The following MACROH2A1 variants were observed in gnomAD, a reference collection of about 807,000 sequenced individuals.
MACROH2A1 encodes core histone macro-H2A.1.
In MACROH2A1, 2 loss-of-function variants were observed where a neutral mutation model predicts 31.6. The ratio of observed to expected loss-of-function variants is 0.06; its 90% CI spans 0.03 to 0.20. The LOEUF is 0.20. Among genes scored for constraint, MACROH2A1 ranks in the 10% least tolerant of loss-of-function variants. The pLI is 1.00. For missense variants in MACROH2A1, 230 were observed against 474.0 expected (o/e 0.49, Z 4.78); for synonymous variants, 169 against 189.6 (o/e 0.89, Z 0.89).
chr5:135,386,413 CAGA>C (rs1300650755), intron 2 of MACROH2A1, among the ~76,000 whole-genome samples: 13 of 152,228 alleles, frequency 8.5e-5, no homozygotes, highest in African/African-American at 2.4e-4. Flanking sequence ...GGAAATGCTT[CAGA>C]TTCAGCCAAC....
Position 135,369,255 on chromosome 5 carries a change from C to T in MACROH2A1, c.477+151G>A. The T allele has an allele frequency of 1.4e-6, 1 of 727,240 alleles. No homozygotes were observed. Among genetic ancestry groups the T allele is most frequent in the East Asian group, 2.4e-5 (1 of 40,832 alleles). 45.0% of individuals were successfully genotyped at this position (727,240 alleles called of 1,614,324 possible). Reference sequence around the variant, plus strand: ...TCTGGCTACTTGTGTTGGACTAGCCCCTCTGGAGAGTAATCAGCTCCTACA... The same window carrying T: ...TCTGGCTACTTGTGTTGGACTAGCCTCTCTGGAGAGTAATCAGCTCCTACA... On this transcript the variant is annotated intron_variant, in intron 4 of 8. Transcript: ENST00000511689. This position sits in a 1 kb window ranked among gnomAD's most constrained non-coding sequence, Gnocchi z 4.3.
At chr5:135,342,336 T>A (rs996938506) in intron 8 of MACROH2A1, among the ~76,000 whole-genome samples, 2 of 152,152 alleles carry the variant, frequency 1.3e-5, no homozygotes, top group Non-Finnish European at 2.9e-5. Flanking sequence ...CTTCTCAGAA[T>A]GGGGGTTAAT....
chr5:135,386,743 G>A (rs1301645838), intron 2 of MACROH2A1, among the ~76,000 whole-genome samples: 4 of 152,200 alleles, frequency 2.6e-5, no homozygotes, highest in Admixed American at 2.6e-4. Flanking sequence ...GGAAAACACA[G>A]ATTTCTATGC....
chr5:135,359,805 TTTTGATGTCAATAAAGAAATATTAGTTA>T, intron 5 of MACROH2A1: 1 of 951,092 alleles, frequency 1.1e-6, no homozygotes, highest in Non-Finnish European at 1.3e-6. Flanking sequence ...TCCCACCCCT[TTTTGATGTCAATAAAGAAATATTAGTTA>T]ACTCTCATTC....
intron 6 of MACROH2A1, among the ~76,000 whole-genome samples, 190 bp downstream of exon 6, chr5:135,352,756 A>C (rs1761732661): frequency 6.6e-6 from 1 of 152,238 alleles, no homozygotes; most frequent in Non-Finnish European, 1.5e-5. Context: ...ATCACACTTA[A>C]TGAAACAGAC....
At chr5:135,384,845 T>TG (rs1447546220) in intron 2 of MACROH2A1, among the ~76,000 whole-genome samples, 1 of 152,180 alleles carries the variant, frequency 6.6e-6, no homozygotes, top group Non-Finnish European at 1.5e-5. Context: ...AGCATGGAGA[T>TG]GTGAGTGACT....
chr5:135,394,382 T>C (rs1459669474), intron 1 of MACROH2A1, among the ~76,000 whole-genome samples: 2 of 152,142 alleles, frequency 1.3e-5, no homozygotes, highest in Non-Finnish European at 2.9e-5. Context: ...ACAGTCTAGT[T>C]TGGGGCAGCT....
Position 135,373,257 on chromosome 5 carries a change from CT to C in MACROH2A1, c.173-3116del, listed in dbSNP as rs926861278. On this transcript the variant is annotated intron_variant, in intron 2 of 8. Transcript: ENST00000511689. Reference sequence around the variant, plus strand: ...TATATTTTCTGCAGTGCTGCCTTCACTTTTTTTTTGTGCAGGAAAAATGAGA... The same window carrying C: ...TATATTTTCTGCAGTGCTGCCTTCACTTTTTTTTGTGCAGGAAAAATGAGA... 1.2e-4 allele frequency among the ~76,000 whole-genome samples: 18 copies of C among 151,522 alleles called. 1 individual carries two copies. In the East Asian group the frequency reaches 2.7e-3, roughly 23 times the overall value.
intron 4 of MACROH2A1, among the ~76,000 whole-genome samples, chr5:135,363,818 C>T (rs984533992): frequency 1.3e-5 from 2 of 152,234 alleles, no homozygotes; most frequent in Non-Finnish European, 2.9e-5. Flanking sequence ...TATTTCTCCA[C>T]ATCCTCTTCA....
rs542332236 is a variant in MACROH2A1 at position 135,355,995 on chromosome 5, C to T, written c.589-2950G>A. 10 of 152,198 alleles carry T rather than the reference C, an allele frequency of 6.6e-5. No homozygotes were observed. In the East Asian group the frequency reaches 1.9e-3, roughly 29 times the overall value. The allele number at this position is 152,198 out of a possible 1,614,324, so 9.4% of individuals were successfully genotyped here. A position where few individuals can be genotyped will look rare whatever the true frequency, so the allele number is the denominator to read the frequency against. On this transcript the variant is annotated intron_variant, in intron 5 of 8. Transcript: ENST00000511689. Reference sequence around the variant, plus strand: ...CAGATTTCTGGGAACTGTAAAAATTCCCAAAATTAGTCTGATTTTCTGGGA... The same window carrying T: ...CAGATTTCTGGGAACTGTAAAAATTTCCAAAATTAGTCTGATTTTCTGGGA...
At chr5:135,374,699 A>C (rs1019702176) in intron 2 of MACROH2A1, among the ~76,000 whole-genome samples, 2 of 152,174 alleles carry the variant, frequency 1.3e-5, no homozygotes, top group Admixed American at 1.3e-4. Context: ...TCTAAAAGAA[A>C]AGCGATTCTG....
intron 2 of MACROH2A1, among the ~76,000 whole-genome samples, chr5:135,377,784 G>C (rs1171198233): frequency 6.6e-6 from 1 of 152,184 alleles, no homozygotes; most frequent in Non-Finnish European, 1.5e-5. Flanking sequence ...GCCCCAGCTG[G>C]CCTTTGGTAC....
intron 1 of MACROH2A1, 34 bp from the exon 2 acceptor site, chr5:135,389,160 C>A: frequency 1.3e-6 from 2 of 1,515,456 alleles, no homozygotes; most frequent in South Asian, 2.4e-5. Flanking sequence ...GTCAGGGTGG[C>A]TGGGGACAGC....
chr5:135,337,995 C>T, intron 8 of MACROH2A1: 2 of 1,197,048 alleles, frequency 1.7e-6, no homozygotes, highest in African/African-American at 1.6e-5. Flanking sequence ...GCGCAGGCTG[C>T]CAGGAAGGAA....
intron 2 of MACROH2A1, among the ~76,000 whole-genome samples, chr5:135,374,853 C>G (rs1263652192): frequency 2.0e-5 from 3 of 152,134 alleles, no homozygotes; most frequent in Non-Finnish European, 2.9e-5. Context: ...AAATGGAATC[C>G]ATAAGAAACC....
chr5:135,385,872 A>T (rs975825562), intron 2 of MACROH2A1, among the ~76,000 whole-genome samples: 2 of 152,140 alleles, frequency 1.3e-5, no homozygotes, highest in African/African-American at 4.8e-5. Context: ...TCCAGACAAG[A>T]GTGTGAGCTC....
At chr5:135,350,860 G>A in intron 6 of MACROH2A1, 1 of 1,613,348 alleles carries the variant, frequency 6.2e-7, no homozygotes, top group South Asian at 1.1e-5. Flanking sequence ...TGTTTGTCGG[G>A]TGAACGACAG....
At chr5:135,391,633 G>C (rs1767254819) in intron 1 of MACROH2A1, among the ~76,000 whole-genome samples, 1 of 152,166 alleles carries the variant, frequency 6.6e-6, no homozygotes, top group Admixed American at 6.5e-5. Flanking sequence ...GATGGCAAGG[G>C]CCCACTTACA....
At chr5:135,394,516 G>A (rs569812277) in intron 1 of MACROH2A1, among the ~76,000 whole-genome samples, 1 of 152,268 alleles carries the variant, frequency 6.6e-6, no homozygotes, top group South Asian at 2.1e-4. Context: ...GGATGTGGCA[G>A]CTGCAGACCC....
Sources: allele counts gnomAD v4.1 joint callset (sites outside exome capture counted in the v4.1 genomes callset), GRCh38; gene constraint gnomAD v4.1.1; non-coding constraint Gnocchi (gnomAD v3.1); transcripts MANE v1.5; gene names NCBI Gene and HGNC (gene_info 2026-07-23, HGNC 2026-07-21).